The following SLC24A3 variants were observed in gnomAD, a reference collection of about 807,000 sequenced individuals.
SLC24A3 encodes sodium/potassium/calcium exchanger 3.
In SLC24A3, 28 loss-of-function variants were observed where a neutral mutation model predicts 75.8. That is an observed-to-expected ratio of 0.37 (90% CI 0.27 to 0.51). SLC24A3 has a LOEUF of 0.51. Ranked by LOEUF, SLC24A3 falls within the 20% of genes least tolerant of loss-of-function variation. The probability of loss-of-function intolerance (pLI) is 0.94; values close to 1 mark genes in which losing one functional copy is unlikely to be tolerated. For missense variants in SLC24A3, 663 were observed against 847.8 expected, an observed-to-expected ratio of 0.78 and a Z score of 2.71; for synonymous variants, 372 against 334.1, an observed-to-expected ratio of 1.11 and a Z score of -1.24.
chr20:19,661,319 C>T (rs925412934), intron 7 of SLC24A3, among the ~76,000 whole-genome samples: 3 of 152,174 alleles, frequency 2.0e-5, no homozygotes, highest in African/African-American at 4.8e-5. Flanking sequence ...GCCTATAAGA[C>T]ATCCTGAAGT....
chr20:19,428,942 T>A (rs113298259), intron 2 of SLC24A3, among the ~76,000 whole-genome samples: 2 of 152,202 alleles, frequency 1.3e-5, no homozygotes, highest in Non-Finnish European at 2.9e-5. Context: ...AAGTTGTGAA[T>A]TGTGGTTTTG....
chr20:19,632,384 T>C (rs553818886), intron 6 of SLC24A3, among the ~76,000 whole-genome samples: 3 of 152,316 alleles, frequency 2.0e-5, no homozygotes, highest in Non-Finnish European at 4.4e-5. Flanking sequence ...TCCATTTCTT[T>C]GCTTTTCTCA....
chr20:19,513,738 G>A (rs2328430), intron 2 of SLC24A3, among the ~76,000 whole-genome samples: 34,164 of 141,380 alleles, frequency 0.24, 4,111 homozygotes, highest in East Asian at 0.33. Flanking sequence ...TTTTTTTTTA[G>A]AAAAAAAAAA....
At chr20:19,578,333 GTGTGTGTGTGCA>G (rs1241208263) in intron 3 of SLC24A3, among the ~76,000 whole-genome samples, 2 of 151,290 alleles carry the variant, frequency 1.3e-5, no homozygotes, top group Non-Finnish European at 3.0e-5. Context: ...GTATGCATGC[GTGTGTGTGTGCA>G]TGTGTGTGTG....
chr20:19,682,011 T>C lies in SLC24A3; in HGVS notation c.901+20T>C. 6.2e-7 allele frequency: 1 copy of C among 1,612,586 alleles called. No homozygotes were observed. The highest frequency in any genetic ancestry group is 8.5e-7 in the Non-Finnish European group (1 of 1,179,564). ...AGAAAGGTAACCAAGGAGAGCACTTTGGGGTCCAAGGCAGGAGGATCAATT... is the reference window on the plus strand; with the variant it reads ...AGAAAGGTAACCAAGGAGAGCACTTCGGGGTCCAAGGCAGGAGGATCAATT... On this transcript the variant is annotated intron_variant, in intron 10 of 16. Coordinates refer to ENST00000328041, the MANE Select transcript of SLC24A3 (RefSeq NM_020689.4).
At chr20:19,525,405 T>C (rs1011290298) in intron 3 of SLC24A3, among the ~76,000 whole-genome samples, 11 of 151,880 alleles carry the variant, frequency 7.2e-5, no homozygotes, top group Non-Finnish European at 1.6e-4. Context: ...AAGTCCACTA[T>C]GGGGAGTGAG....
chr20:19,677,370 GA>G (rs1291390022), intron 9 of SLC24A3, among the ~76,000 whole-genome samples: 2 of 151,692 alleles, frequency 1.3e-5, no homozygotes, highest in African/African-American at 4.8e-5. Flanking sequence ...CAAGATGACA[GA>G]AACACTGCCT....
chr20:19,667,760 A>G (rs2032416810), intron 8 of SLC24A3, among the ~76,000 whole-genome samples: 1 of 152,184 alleles, frequency 6.6e-6, no homozygotes, highest in South Asian at 2.1e-4. Flanking sequence ...CGTATCCTCA[A>G]AACATCTCGG....
intron 2 of SLC24A3, among the ~76,000 whole-genome samples, chr20:19,451,746 C>T (rs2122482753): frequency 6.6e-6 from 1 of 152,340 alleles, no homozygotes; most frequent in African/African-American, 2.4e-5. Flanking sequence ...CTGTCTCTTC[C>T]TGGTGTTGTG....
intron 2 of SLC24A3, among the ~76,000 whole-genome samples, chr20:19,443,941 T>C (rs1290269159): frequency 6.6e-6 from 1 of 152,170 alleles, no homozygotes; most frequent in Non-Finnish European, 1.5e-5. Context: ...GTTAATAAAG[T>C]ATCTTGTTTC....
chr20:19,380,206 A>G (rs1308148591), intron 2 of SLC24A3, among the ~76,000 whole-genome samples: 2 of 152,208 alleles, frequency 1.3e-5, no homozygotes, highest in East Asian at 1.9e-4. Flanking sequence ...TGGGTCTGGA[A>G]TCTACAGGAA....
At chr20:19,696,015 C>CTTTT (rs778046824) in intron 13 of SLC24A3, among the ~76,000 whole-genome samples, 1,753 of 108,048 alleles carry the variant, frequency 0.016, 108 homozygotes, top group South Asian at 0.051. Flanking sequence ...TTTTCCTTTT[C>CTTTT]TTTTTTTTTT....
intron 2 of SLC24A3, among the ~76,000 whole-genome samples, chr20:19,407,052 T>A (rs1185200845): frequency 6.7e-6 from 1 of 149,726 alleles, no homozygotes; most frequent in Non-Finnish European, 1.5e-5. Context: ...AGGTAGTTTC[T>A]ACCAATCTGT....
chr20:19,690,718 T>C (rs764417583), intron 12 of SLC24A3, among the ~76,000 whole-genome samples: 1 of 152,166 alleles, frequency 6.6e-6, no homozygotes, highest in Non-Finnish European at 1.5e-5. Context: ...CTGCAGCATC[T>C]GGAAGCCCCT....
chr20:19,634,328 C>T (rs1272899908), intron 6 of SLC24A3, among the ~76,000 whole-genome samples: 1 of 152,186 alleles, frequency 6.6e-6, no homozygotes, highest in Non-Finnish European at 1.5e-5. Flanking sequence ...CCAGCATCTT[C>T]TCATTTACAG....
intron 2 of SLC24A3, among the ~76,000 whole-genome samples, chr20:19,417,841 A>T (rs1986853065): frequency 6.6e-6 from 1 of 152,162 alleles, no homozygotes; most frequent in African/African-American, 2.4e-5. Context: ...GAGTAAGTGA[A>T]ACTCTACATA....
chr20:19,439,776 T>A (rs1369835720), intron 2 of SLC24A3, among the ~76,000 whole-genome samples: 1 of 152,220 alleles, frequency 6.6e-6, no homozygotes, highest in Non-Finnish European at 1.5e-5. Flanking sequence ...AATAATGGAA[T>A]GCCTCGCTGA....
chr20:19,611,544 G>A (rs1314338221), intron 6 of SLC24A3, among the ~76,000 whole-genome samples: 1 of 152,218 alleles, frequency 6.6e-6, no homozygotes, highest in Non-Finnish European at 1.5e-5. Context: ...AGAGCCTTTG[G>A]CCAAGTCCAG....
Position 19,685,184 on chromosome 20 carries a change from A to C in SLC24A3, c.1147A>C (p.Asn383His). ...AATCCCAATTAAGCACACCGTGGAG[A>C]ATGGGACAGGGCCCAGCAGTGCCCC... ...IKIPIKHTVE[N>H]GTGPSSAPDR... The change falls in exon 12 of 17, where the codon AAT becomes CAT. Residue 383 changes from asparagine (N) to histidine (H), a missense_variant. This residue lies in a region of SLC24A3 where 510 missense variants were observed against 703.6 expected (regional missense o/e 0.72). Transcript: ENST00000328041. 1 of 1,614,172 alleles carries C rather than the reference A, an allele frequency of 6.2e-7. No homozygotes were observed.
Sources: allele counts gnomAD v4.1 joint callset (sites outside exome capture counted in the v4.1 genomes callset), GRCh38; gene constraint gnomAD v4.1.1; regional missense constraint gnomAD v4.1.1; transcripts MANE v1.5; gene names NCBI Gene and HGNC (gene_info 2026-07-23, HGNC 2026-07-21).